Variants in MYOCD observed in about 807,000 individuals in gnomAD.
The protein encoded by MYOCD is myocardin.
MYOCD carries 32 observed loss-of-function variants against 96.1 expected under a neutral mutation model. The ratio of observed to expected loss-of-function variants is 0.33; its 90% CI spans 0.25 to 0.45. The LOEUF (loss-of-function observed/expected upper bound fraction) is 0.45, where lower values mean the gene tolerates loss of function less well. Among genes scored for constraint, MYOCD ranks in the 20% least tolerant of loss-of-function variants. MYOCD has a pLI of 1.00. For synonymous variants in MYOCD, 469 were observed against 469.0 expected (o/e 1.00, Z 0.00); for missense variants, 1,133 against 1,200.6 (o/e 0.94, Z 0.83).
intron 7 of MYOCD, among the ~76,000 whole-genome samples, chr17:12,743,486 CTTTTTTTTTTT>C (rs373893604): frequency 3.1e-5 from 3 of 98,338 alleles, no homozygotes; most frequent in South Asian, 3.5e-4. Flanking sequence ...TATGAAAGTT[CTTTTTTTTTTT>C]TTTTTTTTTT....
At chr17:12,738,265 C>A (rs984261753) in intron 6 of MYOCD, among the ~76,000 whole-genome samples, 1 of 152,136 alleles carries the variant, frequency 6.6e-6, no homozygotes, top group African/African-American at 2.4e-5. Context: ...AGGTGCCAGG[C>A]AGGGCTCAGG....
intron 11 of MYOCD, 43 bp from the exon 12 acceptor site, chr17:12,758,042 G>A (rs752342238): frequency 1.5e-5 from 21 of 1,413,776 alleles, no homozygotes; most frequent in Non-Finnish European, 2.0e-5. Flanking sequence ...CATAATTTCA[G>A]ATCCATGAAT....
Position 12,697,386 on chromosome 17 carries a change from G to A in MYOCD, c.56-7742G>A, listed in dbSNP as rs544502214. Among the ~76,000 whole-genome samples the A allele has an allele frequency of 9.9e-3, 1,132 of 114,470 alleles. 19 individuals carry two copies. The highest frequency in any genetic ancestry group is 0.036 in the African/African-American group (1,039 of 29,036). 75.1% of individuals were successfully genotyped at this position (114,470 alleles called of 152,430 possible). ...TTTTTTTTTTTTTTTTTTTTGAGAC[G>A]GGGTCTCGCTCTGTCGCCCAGGCTG... On this transcript the variant is annotated intron_variant, in intron 1 of 13. Transcript: ENST00000425538.
At chr17:12,679,242 G>A (rs764153875) in intron 1 of MYOCD, among the ~76,000 whole-genome samples, 1 of 152,034 alleles carries the variant, frequency 6.6e-6, no homozygotes, top group Non-Finnish European at 1.5e-5. Context: ...GTAGCCATCT[G>A]CACTGGCTTC....
In MYOCD at chr17:12,763,527, C is replaced by T. The variant is rs2033248710; in HGVS notation, c.2844C>T (p.Ser948=). 2 of 1,614,184 alleles carry T rather than the reference C, an allele frequency of 1.2e-6. No homozygotes were observed. The highest frequency in any genetic ancestry group is 1.7e-6 in the Non-Finnish European group (2 of 1,180,040). The change falls in exon 14 of 14, where the codon TCC becomes TCT. Residue 948 remains serine (S), a synonymous_variant. Coordinates refer to ENST00000425538, the MANE Select transcript of MYOCD (RefSeq NM_001146312.3). ...GGCTGGACCTCACTCCGCCAAATTC[C>T]ACACCAGGCTTTAGCGCCCTCACCA... ...MEWLDLTPPN[S]TPGFSALTTS...
intron 1 of MYOCD, among the ~76,000 whole-genome samples, chr17:12,693,630 A>G (rs928944509): frequency 3.7e-4 from 8 of 21,722 alleles, no homozygotes; most frequent in African/African-American, 5.3e-4. Context: ...AAATAGAATA[A>G]AATAAAATAA....
At chr17:12,680,471 C>A (rs889173399) in intron 1 of MYOCD, among the ~76,000 whole-genome samples, 67 of 152,306 alleles carry the variant, frequency 4.4e-4, no homozygotes, top group Non-Finnish European at 1.6e-4. Flanking sequence ...TGGCCTCTCT[C>A]GATGAACAAG....
chr17:12,724,127 T>C (rs1450648301), intron 5 of MYOCD, among the ~76,000 whole-genome samples: 1 of 152,144 alleles, frequency 6.6e-6, no homozygotes, highest in Non-Finnish European at 1.5e-5. Context: ...TATTCAAGAG[T>C]GCACTGCCAC....
chr17:12,757,941 T>C (rs1199842058), intron 11 of MYOCD, 144 bp from the exon 12 acceptor site: 6 of 655,232 alleles, frequency 9.2e-6, no homozygotes, highest in Non-Finnish European at 1.6e-5. Context: ...TGTTAATATA[T>C]GGGAGTTATT....
intron 2 of MYOCD, among the ~76,000 whole-genome samples, chr17:12,707,161 A>G (rs530398053): frequency 6.6e-5 from 10 of 152,310 alleles, no homozygotes; most frequent in African/African-American, 2.4e-4. Flanking sequence ...TAAACATGCA[A>G]TCTACATGCA....
At chr17:12,755,846 C>T (rs9912908) in intron 10 of MYOCD, among the ~76,000 whole-genome samples, 3,439 of 152,000 alleles carry the variant, frequency 0.023, 141 homozygotes, top group African/African-American at 0.078. Flanking sequence ...CACTGCAGCC[C>T]GGGCGACAGA....
chr17:12,758,151 A>C lies in MYOCD; in HGVS notation c.2269A>C (p.Lys757Gln), dbSNP rs370610730. The C allele has an allele frequency of 3.7e-6, 6 of 1,614,188 alleles. No homozygotes were observed. Among genetic ancestry groups the C allele is most frequent in the Non-Finnish European group, 5.1e-6 (6 of 1,180,022 alleles). The change falls in exon 12 of 14, where the codon AAG (lysine) becomes CAG (glutamine). Residue 757 changes from lysine (K) to glutamine (Q), a missense_variant. By Grantham distance (53) the Lys-to-Gln change is moderately conservative. Coordinates refer to ENST00000425538, the MANE Select transcript of MYOCD (RefSeq NM_001146312.3). Reference sequence around the variant, plus strand: ...TTCAATTCCATCCCCAACTTTTTCTAAGTCAAGTTCAGCAATTTCAGAGGT... The same window carrying C: ...TTCAATTCCATCCCCAACTTTTTCTCAGTCAAGTTCAGCAATTTCAGAGGT... ...KFSIPSPTFS[K>Q]SSSAISEVTQ...
intron 1 of MYOCD, among the ~76,000 whole-genome samples, chr17:12,683,445 G>A (rs980081581): frequency 3.3e-5 from 5 of 151,964 alleles, no homozygotes; most frequent in Admixed American, 1.3e-4. Context: ...TTCCTCTGTC[G>A]CTTTCTCTCG....
intron 8 of MYOCD, among the ~76,000 whole-genome samples, chr17:12,745,614 G>A (rs1029802312): frequency 3.3e-5 from 5 of 152,124 alleles, no homozygotes; most frequent in Non-Finnish European, 5.9e-5. Flanking sequence ...AGCACTAAAC[G>A]CAACCAAGCT....
At chr17:12,746,355 C>T (rs1567596666) in intron 9 of MYOCD, among the ~76,000 whole-genome samples, 2 of 152,058 alleles carry the variant, frequency 1.3e-5, no homozygotes, top group Non-Finnish European at 2.9e-5. Context: ...GGACATGGCA[C>T]CAGTATCTGG....
intron 8 of MYOCD, among the ~76,000 whole-genome samples, chr17:12,745,105 G>A (rs2032622816): frequency 6.6e-6 from 1 of 152,220 alleles, no homozygotes; most frequent in Admixed American, 6.5e-5. Flanking sequence ...AGAAGGAACA[G>A]GGCTGAGCAG....
chr17:12,713,445 T>C (rs745627202), intron 2 of MYOCD, among the ~76,000 whole-genome samples: 263 of 152,344 alleles, frequency 1.7e-3, no homozygotes, highest in Non-Finnish European at 2.7e-3. Context: ...ATGTCAGCGA[T>C]ATCCCAAGAT....
chr17:12,720,426 GTCCTGAAT>G (rs2031797224), intron 4 of MYOCD: 1 of 151,976 alleles, frequency 6.6e-6, no homozygotes, highest in Admixed American at 6.5e-5. Context: ...GTGTATCCCT[GTCCTGAAT>G]TCTTTCTCGA....
chr17:12,720,740 G>A (rs911554052), intron 4 of MYOCD, among the ~76,000 whole-genome samples: 11 of 152,158 alleles, frequency 7.2e-5, no homozygotes, highest in African/African-American at 2.7e-4. Flanking sequence ...AGGTGACACC[G>A]GCCAGGTGCG....
Sources: allele counts gnomAD v4.1 joint callset (sites outside exome capture counted in the v4.1 genomes callset), GRCh38; gene constraint gnomAD v4.1.1; transcripts MANE v1.5; gene names NCBI Gene and HGNC (gene_info 2026-07-23, HGNC 2026-07-21).